PARP15: variants seen among roughly 807,000 people sequenced by gnomAD.
PARP15 encodes the protein protein mono-ADP-ribosyltransferase PARP15.
PARP15 carries 50 observed loss-of-function variants against 62.1 expected under a neutral mutation model. The observed-to-expected ratio is 0.81, with a 90% CI of 0.64 to 1.02. The LOEUF is 1.02. Among genes scored for constraint, PARP15 ranks in the 50% least tolerant of loss-of-function variants. The pLI is 0.00. For synonymous variants in PARP15, 309 were observed against 293.1 expected, an observed-to-expected ratio of 1.05 and a Z score of -0.55; for missense variants, 820 against 826.5, an observed-to-expected ratio of 0.99 and a Z score of 0.10.
Position 122,613,149 on chromosome 3 carries a change from GT to G in PARP15, c.657del (p.Phe219LeufsTer4). 6.4e-7 allele frequency: 1 copy of G among 1,551,700 alleles called. No individual in the cohort carries two copies. The highest frequency in any genetic ancestry group is 8.7e-7 in the Non-Finnish European group (1 of 1,146,914). On this transcript the variant is annotated frameshift_variant, in exon 4 of 12. Coordinates refer to ENST00000464300, the MANE Select transcript of PARP15 (RefSeq NM_001113523.3). LOFTEE classifies it high-confidence loss of function. Reference sequence around the variant, plus strand: ...AGGAAGTTTGCAGTTTCCCAAAGCTGTTTTTGCTAAACTAATCCTTTCAGAA... The same window carrying G: ...AGGAAGTTTGCAGTTTCCCAAAGCTGTTTTGCTAAACTAATCCTTTCAGAA... ...GTGSLQFPKA[V>X]FAKLILSEVF...
chr3:122,611,664 T>A (rs1189444127), intron 3 of PARP15, among the ~76,000 whole-genome samples: 1 of 152,076 alleles, frequency 6.6e-6, no homozygotes, highest in Non-Finnish European at 1.5e-5. Flanking sequence ...AGTTAACATT[T>A]TACTATATTT....
At chr3:122,612,369 T>TC (rs537545002) in intron 3 of PARP15, among the ~76,000 whole-genome samples, 31 of 131,902 alleles carry the variant, frequency 2.4e-4, no homozygotes, top group African/African-American at 9.4e-4. Flanking sequence ...ATTCTCTCTC[T>TC]TTTTTTTTTT....
intron 1 of PARP15, among the ~76,000 whole-genome samples, chr3:122,586,526 G>C (rs1167239815): frequency 1.3e-5 from 2 of 152,090 alleles, no homozygotes; most frequent in Non-Finnish European, 2.9e-5. Context: ...TAAACTTTTT[G>C]AGAGATTAAG....
intron 1 of PARP15, among the ~76,000 whole-genome samples, chr3:122,594,299 A>G (rs1038026595): frequency 6.6e-6 from 1 of 152,184 alleles, no homozygotes; most frequent in African/African-American, 2.4e-5. Flanking sequence ...CAACAACAAC[A>G]ACAAAGAATC....
At chr3:122,600,862 C>T (rs1934732288) in intron 1 of PARP15, among the ~76,000 whole-genome samples, 1 of 150,392 alleles carries the variant, frequency 6.6e-6, no homozygotes, top group Admixed American at 6.6e-5. Context: ...TTAGCGAAAG[C>T]GGAAAATTCT....
chr3:122,580,263 A>G (rs1207618940), intron 1 of PARP15, among the ~76,000 whole-genome samples: 1 of 151,862 alleles, frequency 6.6e-6, no homozygotes, highest in Non-Finnish European at 1.5e-5. Context: ...GAAATCTCCA[A>G]CTATAATTGT....
At position 122,595,875 on chromosome 3, in the gene PARP15, C is replaced by T. The variant is rs113575499; in HGVS notation, c.187-10061C>T. 3.6e-3 allele frequency among the ~76,000 whole-genome samples: 543 copies of T among 152,036 alleles called. 5 individuals carry two copies. The highest frequency in any genetic ancestry group is 0.013 in the African/African-American group (527 of 41,468). ...CTTCTTTTCTCATTCCTCTTCTTTC[C>T]TCCAGTTCTTAATGTGGGACTTAGT... On this transcript the variant is annotated intron_variant, in intron 1 of 11. Transcript: ENST00000464300.
intron 1 of PARP15, among the ~76,000 whole-genome samples, chr3:122,599,104 G>T (rs986070534): frequency 7.2e-5 from 11 of 151,848 alleles, no homozygotes; most frequent in African/African-American, 2.7e-4. Flanking sequence ...ACCACTTTGG[G>T]CAGGCTGGTC....
At chr3:122,625,388 G>A (rs1936651235) in intron 8 of PARP15, among the ~76,000 whole-genome samples, 1 of 152,098 alleles carries the variant, frequency 6.6e-6, no homozygotes, top group African/African-American at 2.4e-5. Flanking sequence ...CGAGTAGCTG[G>A]GATTACAGGT....
intron 1 of PARP15, among the ~76,000 whole-genome samples, chr3:122,598,026 A>G (rs757781008): frequency 6.6e-6 from 1 of 152,190 alleles, no homozygotes; most frequent in Non-Finnish European, 1.5e-5. Flanking sequence ...ATTTTCAATC[A>G]ATGGTTGGTT....
At chr3:122,623,348 A>G (rs1054290158) in intron 8 of PARP15, among the ~76,000 whole-genome samples, 2 of 152,152 alleles carry the variant, frequency 1.3e-5, no homozygotes, top group Non-Finnish European at 2.9e-5. Context: ...ATGATTTTGG[A>G]ACAGATGCAA....
rs1188891364 is a variant in PARP15 at position 122,610,631 on chromosome 3, AGGT to A, written c.445_447del (p.Gly149del). 22 of 1,551,612 alleles carry A rather than the reference AGGT, an allele frequency of 1.4e-5. No individual in the cohort carries two copies. The Middle Eastern group carries it at 8.3e-4, about 59-fold the overall frequency. On this transcript the variant is annotated inframe_deletion, in exon 3 of 12. Coordinates refer to ENST00000464300, the MANE Select transcript of PARP15 (RefSeq NM_001113523.3). ...GAAGGCGGGAAACAGAGGAAAAAGT[AGGT>A]AACATATTCATGACAAGCGGCTGCA...
At chr3:122,588,030 G>A (rs1933587153) in intron 1 of PARP15, among the ~76,000 whole-genome samples, 1 of 151,936 alleles carries the variant, frequency 6.6e-6, no homozygotes, top group Non-Finnish European at 1.5e-5. Flanking sequence ...TATATCTTTT[G>A]CAAAAATTTT....
At chr3:122,581,675 T>A (rs2107797353) in intron 1 of PARP15, among the ~76,000 whole-genome samples, 1 of 152,352 alleles carries the variant, frequency 6.6e-6, no homozygotes, top group South Asian at 2.1e-4. Flanking sequence ...GCAAATATTT[T>A]CTCCTGTTCT....
At chr3:122,584,395 A>C (rs1933234396) in intron 1 of PARP15, among the ~76,000 whole-genome samples, 1 of 151,948 alleles carries the variant, frequency 6.6e-6, no homozygotes, top group African/African-American at 2.4e-5. Context: ...TTGTTTTTTG[A>C]CCAATATAAT....
At chr3:122,586,198 CCTATT>C (rs1164619123) in intron 1 of PARP15, among the ~76,000 whole-genome samples, 1 of 149,066 alleles carries the variant, frequency 6.7e-6, no homozygotes, top group Non-Finnish European at 1.5e-5. Context: ...TTTTCACTCT[CCTATT>C]CTTAATATTT....
chr3:122,580,620 G>T (rs552451746), intron 1 of PARP15, among the ~76,000 whole-genome samples: 28 of 152,224 alleles, frequency 1.8e-4, no homozygotes, highest in African/African-American at 6.7e-4. Context: ...TTGTCTTTTT[G>T]GGACTGACAT....
chr3:122,581,237 T>G (rs1172227039), intron 1 of PARP15, among the ~76,000 whole-genome samples: 1 of 152,222 alleles, frequency 6.6e-6, no homozygotes, highest in East Asian at 1.9e-4. Context: ...GAACTGGGAT[T>G]GCTGGATCAT....
chr3:122,595,180 C>T (rs535094154), intron 1 of PARP15, among the ~76,000 whole-genome samples: 5 of 149,458 alleles, frequency 3.3e-5, no homozygotes, highest in East Asian at 1.9e-4. Flanking sequence ...TTTTTTTTTT[C>T]GCAGTAACAA....
Sources: allele counts gnomAD v4.1 joint callset (sites outside exome capture counted in the v4.1 genomes callset), GRCh38; gene constraint gnomAD v4.1.1; transcripts MANE v1.5; gene names NCBI Gene and HGNC (gene_info 2026-07-23, HGNC 2026-07-21).